Variants in RABGAP1 observed in about 807,000 individuals in gnomAD.
The protein encoded by RABGAP1 is RAB GTPase activating protein 1, also known as rab GTPase-activating protein 1.
A neutral mutation model predicts 137.6 loss-of-function variants in RABGAP1; 23 were observed. That is an observed-to-expected ratio of 0.17 (90% CI 0.12 to 0.24). The LOEUF (loss-of-function observed/expected upper bound fraction) is 0.24. RABGAP1 is among the 10% of genes least tolerant of loss of function. The probability of loss-of-function intolerance (pLI) is 1.00; values close to 1 mark genes in which losing one functional copy is unlikely to be tolerated. For missense variants in RABGAP1, 906 were observed against 1,275.8 expected, an observed-to-expected ratio of 0.71 and a Z score of 4.42; for synonymous variants, 451 against 450.7, an observed-to-expected ratio of 1.00 and a Z score of -0.01.
At position 123,056,362 on chromosome 9, in the gene RABGAP1, CAG is replaced by C. The variant is rs528321295; in HGVS notation, c.1795-8983_1795-8982del. On this transcript the variant is annotated intron_variant, in intron 13 of 25. Transcript: ENST00000373647. ...AAGTATACAAATGACTATTCAGAAACAGAGTAATTGCTGTAAGAGTGGTATCA... is the reference window on the plus strand; with the variant it reads ...AAGTATACAAATGACTATTCAGAAACAGTAATTGCTGTAAGAGTGGTATCA... 8.5e-5 allele frequency among the ~76,000 whole-genome samples: 13 copies of C among 152,124 alleles called. No individual in the cohort carries two copies. In the East Asian group the frequency reaches 2.3e-3, roughly 27 times the overall value.
intron 1 of RABGAP1, among the ~76,000 whole-genome samples, chr9:122,943,714 G>C (rs1833753066): frequency 6.6e-6 from 1 of 152,190 alleles, no homozygotes. Context: ...AGCACTTTGG[G>C]AGGCCAAGGC....
intron 2 of RABGAP1, among the ~76,000 whole-genome samples, chr9:122,977,146 A>C (rs1162112527): frequency 1.3e-5 from 2 of 152,240 alleles, no homozygotes; most frequent in East Asian, 3.8e-4. Flanking sequence ...ATCACAACTA[A>C]GACTGGCAAT....
upstream of RABGAP1, among the ~76,000 whole-genome samples, chr9:122,940,586 G>A (rs921893840): frequency 2.0e-5 from 3 of 152,192 alleles, no homozygotes; most frequent in Non-Finnish European, 4.4e-5. Context: ...TAAATGCCAG[G>A]TGAATTTTAT....
At chr9:123,088,305 C>T (rs1450745154) in intron 19 of RABGAP1, among the ~76,000 whole-genome samples, 1 of 152,102 alleles carries the variant, frequency 6.6e-6, no homozygotes, top group Non-Finnish European at 1.5e-5. Flanking sequence ...CTGCCTTGGC[C>T]TCCCAAAGTG....
intron 6 of RABGAP1, among the ~76,000 whole-genome samples, chr9:122,991,656 G>A (rs1836730295): frequency 6.9e-6 from 1 of 144,906 alleles, no homozygotes; most frequent in African/African-American, 2.6e-5. Flanking sequence ...AGGCTTGAAT[G>A]CAATGGTACA....
chr9:123,102,338 A>G (rs2035369457), intron 25 of RABGAP1, among the ~76,000 whole-genome samples: 1 of 152,194 alleles, frequency 6.6e-6, no homozygotes, highest in Non-Finnish European at 1.5e-5. Context: ...TAGGTCCACC[A>G]GCACCACTAA....
At chr9:123,099,630 G>A in intron 24 of RABGAP1, 81 bp downstream of exon 24, 1 of 1,239,086 alleles carries the variant, frequency 8.1e-7, no homozygotes, top group Non-Finnish European at 1.2e-6. Flanking sequence ...GGAGGAGGCA[G>A]TTGATTTCAA....
rs1466531535 is a variant in RABGAP1, at chr9:122,989,761, A to G, written c.765+290A>G. On this transcript the variant is annotated intron_variant, in intron 5 of 25. Coordinates refer to ENST00000373647, the MANE Select transcript of RABGAP1 (RefSeq NM_012197.4). ...ACAGATTTGCAAACCATTCTTTTAA[A>G]TCAAAACTTGTTAGGACTGTTTTCA... 2.1e-5 allele frequency: 11 copies of G among 516,270 alleles called. 1 individual carries two copies. Among genetic ancestry groups the G allele is most frequent in the Non-Finnish European group, 2.4e-5 (7 of 293,514 alleles). The allele number at this position is 516,270 out of a possible 1,614,324, so 32.0% of individuals were successfully genotyped here. A position where few individuals can be genotyped will look rare whatever the true frequency, so the allele number is the denominator to read the frequency against.
chr9:123,082,657 A>G (rs555226175), intron 19 of RABGAP1, among the ~76,000 whole-genome samples: 9 of 152,328 alleles, frequency 5.9e-5, no homozygotes, highest in African/African-American at 1.2e-4. Flanking sequence ...TTGCCATAGA[A>G]TCCTGCTTAA....
intron 13 of RABGAP1, among the ~76,000 whole-genome samples, chr9:123,051,216 GTTTTTTTTTTTTTTTTTTTTTTTTTTTTT>G (rs552457119): frequency 1.7e-3 from 57 of 34,278 alleles, no homozygotes; most frequent in Non-Finnish European, 2.6e-3. Context: ...ATTCACCTTG[GTTTTTTTTTTTTTTTTTTTTTTTTTTTTT>G]TTTTTTTTTT....
At chr9:122,977,154 A>C (rs956182882) in intron 2 of RABGAP1, among the ~76,000 whole-genome samples, 4 of 152,206 alleles carry the variant, frequency 2.6e-5, no homozygotes, top group African/African-American at 9.7e-5. Flanking sequence ...TAAGACTGGC[A>C]ATTATAAGTT....
At chr9:123,069,219 T>C (rs2034275972) in intron 14 of RABGAP1, among the ~76,000 whole-genome samples, 1 of 152,170 alleles carries the variant, frequency 6.6e-6, no homozygotes, top group Non-Finnish European at 1.5e-5. Flanking sequence ...AACCCACAAA[T>C]GGTTTCAGAG....
At chr9:122,992,509 A>T (rs1836783293) in intron 6 of RABGAP1, among the ~76,000 whole-genome samples, 1 of 152,076 alleles carries the variant, frequency 6.6e-6, no homozygotes, top group Admixed American at 6.6e-5. Context: ...GTTAATACTG[A>T]CAAAGTGCTA....
chr9:122,943,069 T>C (rs2131573184), intron 1 of RABGAP1, among the ~76,000 whole-genome samples: 1 of 97,580 alleles, frequency 1.0e-5, no homozygotes, highest in African/African-American at 3.5e-5. Flanking sequence ...TGTGGTGCAC[T>C]TTCTTTTTTT....
intron 13 of RABGAP1, among the ~76,000 whole-genome samples, chr9:123,053,991 G>GA (rs1342423470): frequency 6.6e-6 from 1 of 152,196 alleles, no homozygotes; most frequent in Admixed American, 6.5e-5. Flanking sequence ...TATAAAAATA[G>GA]TCATCCAGAA....
intron 13 of RABGAP1, among the ~76,000 whole-genome samples, chr9:123,024,659 C>G (rs1195645594): frequency 6.6e-6 from 1 of 152,054 alleles, no homozygotes; most frequent in Admixed American, 6.6e-5. Flanking sequence ...AGGCTGGTCT[C>G]GAACTCCCGA....
chr9:122,996,731 C>A, intron 8 of RABGAP1, 126 bp downstream of exon 8: 1 of 784,284 alleles, frequency 1.3e-6, no homozygotes, highest in Non-Finnish European at 2.0e-6. Context: ...ATAAAGACAA[C>A]ATGCAAAGGT....
At chr9:122,941,849 C>T (rs943721530) in intron 1 of RABGAP1, among the ~76,000 whole-genome samples, 3 of 152,258 alleles carry the variant, frequency 2.0e-5, no homozygotes, top group African/African-American at 7.2e-5. Context: ...TTATCATCTG[C>T]TCCTGCGTTT....
At chr9:123,100,383 ATG>A (rs56811028) in intron 24 of RABGAP1, among the ~76,000 whole-genome samples, 11,107 of 136,076 alleles carry the variant, frequency 0.082, 539 homozygotes, top group African/African-American at 0.17. Context: ...GTTTAACCAG[ATG>A]TGTGTGTGTG....
Sources: gnomAD v4.1 joint callset for allele counts (sites outside exome capture counted in the v4.1 genomes callset) on GRCh38, gnomAD v4.1.1 for gene constraint, MANE v1.5 for transcripts, NCBI Gene and HGNC (gene_info 2026-07-23, HGNC 2026-07-21) for gene names.